Variants in TMEFF2 observed in about 807,000 individuals in gnomAD.
TMEFF2 encodes the protein tomoregulin-2.
Under a neutral mutation model 53.8 loss-of-function variants are expected in TMEFF2, and 28 were observed. That is an observed-to-expected ratio of 0.52 (90% CI 0.39 to 0.71). The LOEUF is 0.71. Ranked by LOEUF, TMEFF2 falls within the 30% of genes least tolerant of loss-of-function variation. TMEFF2 has a pLI of 0.00. For missense variants in TMEFF2, 353 were observed against 455.2 expected, an observed-to-expected ratio of 0.78 and a Z score of 2.04; for synonymous variants, 162 against 166.3, an observed-to-expected ratio of 0.97 and a Z score of 0.20.
chr2:192,159,331 T>C (rs1039485187), intron 4 of TMEFF2, among the ~76,000 whole-genome samples: 2 of 152,110 alleles, frequency 1.3e-5, no homozygotes, highest in African/African-American at 4.8e-5. Flanking sequence ...GACAAATAGA[T>C]TGTCTCCTGT....
intron 5 of TMEFF2, among the ~76,000 whole-genome samples, chr2:192,002,197 G>A (rs1211726508): frequency 6.6e-6 from 1 of 151,966 alleles, no homozygotes; most frequent in Non-Finnish European, 1.5e-5. Context: ...GCCTTTCATG[G>A]AATGGCTAAG....
intron 5 of TMEFF2, among the ~76,000 whole-genome samples, chr2:192,016,489 G>C (rs1437800661): frequency 6.6e-6 from 1 of 152,184 alleles, no homozygotes; most frequent in African/African-American, 2.4e-5. Context: ...TGAGCTGTGA[G>C]ACACTAATAC....
At chr2:192,091,223 T>C (rs779836804) in intron 4 of TMEFF2, among the ~76,000 whole-genome samples, 4 of 152,172 alleles carry the variant, frequency 2.6e-5, no homozygotes, top group Non-Finnish European at 5.9e-5. Context: ...CTTTGATGGT[T>C]GTTTAATGGC....
chr2:191,951,460 GAAGAGATAGAA>G (rs1574236963), intron 9 of TMEFF2, among the ~76,000 whole-genome samples: 1 of 141,816 alleles, frequency 7.1e-6, no homozygotes, highest in East Asian at 1.9e-4. Context: ...GAAAGAAGGA[GAAGAGATAGAA>G]GAGAGATGTA....
At chr2:192,116,438 T>C (rs980276988) in intron 4 of TMEFF2, among the ~76,000 whole-genome samples, 2 of 151,908 alleles carry the variant, frequency 1.3e-5, no homozygotes, top group African/African-American at 2.4e-5. Flanking sequence ...TAATAATGTA[T>C]TGTATACGTG....
intron 7 of TMEFF2, among the ~76,000 whole-genome samples, chr2:191,970,570 C>T (rs572573178): frequency 6.6e-6 from 1 of 152,234 alleles, no homozygotes; most frequent in South Asian, 2.1e-4. Flanking sequence ...CCTTTTGAAA[C>T]TTGAGAGAAA....
rs573007901 is a variant in TMEFF2, at chr2:191,968,474, T to C, written c.746-12096A>G. ...GTTGAGAAATATCTCTTTGGTTTCA[T>C]GGGGCAGGACAAATGGCCACCTGTG... On this transcript the variant is annotated intron_variant, in intron 7 of 9. Coordinates refer to ENST00000272771, the MANE Select transcript of TMEFF2 (RefSeq NM_016192.4). 1.5e-3 allele frequency among the ~76,000 whole-genome samples: 222 copies of C among 152,316 alleles called. 1 individual carries two copies. The highest frequency in any genetic ancestry group is 4.9e-3 in the African/African-American group (205 of 41,572).
intron 5 of TMEFF2, among the ~76,000 whole-genome samples, chr2:192,020,099 A>G (rs1367052406): frequency 6.6e-6 from 1 of 152,092 alleles, no homozygotes; most frequent in Non-Finnish European, 1.5e-5. Flanking sequence ...AAAACAAGCT[A>G]AAAAAGAAAT....
At chr2:191,982,367 A>G (rs1306439334) in intron 7 of TMEFF2, among the ~76,000 whole-genome samples, 1 of 152,162 alleles carries the variant, frequency 6.6e-6, no homozygotes, top group African/African-American at 2.4e-5. Flanking sequence ...CCTCCTGAGG[A>G]TTAGTGTATA....
In TMEFF2 at chr2:192,194,168, C is replaced by T. The variant is rs1422294338; in HGVS notation, c.172+185G>A. 2.0e-5 allele frequency among the ~76,000 whole-genome samples: 3 copies of T among 152,150 alleles called. No individual in the cohort carries two copies. Among genetic ancestry groups the T allele is most frequent in the Non-Finnish European group, 4.4e-5 (3 of 68,018 alleles). The stretch of plus-strand genomic sequence containing the variant: ...CCTGCACTTTCTGCCCATCCCAGAA[C>T]CACCCCTCACCCCCGGGCCTGCAAC... On this transcript the variant is annotated intron_variant, in intron 1 of 9. Coordinates refer to ENST00000272771, the MANE Select transcript of TMEFF2 (RefSeq NM_016192.4). This position sits in a 1 kb window ranked among gnomAD's most constrained non-coding sequence, Gnocchi z 4.2.
intron 4 of TMEFF2, among the ~76,000 whole-genome samples, chr2:192,133,388 C>T (rs942734368): frequency 1.2e-4 from 19 of 152,232 alleles, no homozygotes; most frequent in African/African-American, 4.1e-4. Context: ...TCACCCTTAC[C>T]CCACTCAATG....
intron 4 of TMEFF2, among the ~76,000 whole-genome samples, chr2:192,108,987 T>C (rs1559129899): frequency 6.6e-6 from 1 of 151,960 alleles, no homozygotes; most frequent in Non-Finnish European, 1.5e-5. Flanking sequence ...CTAGAATAGG[T>C]AAATTCATAG....
Position 192,012,673 on chromosome 2 carries a change from G to A in TMEFF2, c.537-13465C>T, listed in dbSNP as rs143141185. Among the ~76,000 whole-genome samples, 870 of 152,120 alleles carry A rather than the reference G, an allele frequency of 5.7e-3. 7 individuals carry two copies. Among genetic ancestry groups the A allele is most frequent in the African/African-American group, 0.02 (846 of 41,494 alleles). On this transcript the variant is annotated intron_variant, in intron 5 of 9. Transcript: ENST00000272771. ...TAATCGGCAAAAGTACTTTTAAAAT[G>A]TAAAGTTCTAATCAAAAGTAACAGA...
At chr2:192,087,859 T>C (rs1688701424) in intron 4 of TMEFF2, among the ~76,000 whole-genome samples, 1 of 152,150 alleles carries the variant, frequency 6.6e-6, no homozygotes, top group Non-Finnish European at 1.5e-5. Context: ...ATTTTGGCTA[T>C]ACGACATTTG....
chr2:191,999,649 G>A (rs929991805), intron 5 of TMEFF2, among the ~76,000 whole-genome samples: 24 of 151,932 alleles, frequency 1.6e-4, no homozygotes, highest in African/African-American at 5.1e-4. Context: ...TTCAGAGAAA[G>A]CAAACAAGTA....
chr2:192,070,061 GA>G (rs1688260964), intron 4 of TMEFF2, among the ~76,000 whole-genome samples: 1 of 123,312 alleles, frequency 8.1e-6, no homozygotes, highest in Admixed American at 8.9e-5. Flanking sequence ...CGTTTGGGGG[GA>G]AAATTGCTAT....
intron 4 of TMEFF2, among the ~76,000 whole-genome samples, chr2:192,103,638 A>G (rs1689083364): frequency 6.6e-6 from 1 of 151,876 alleles, no homozygotes; most frequent in Non-Finnish European, 1.5e-5. Context: ...CTTGTTTTCA[A>G]CTCTTCAGGT....
intron 7 of TMEFF2, among the ~76,000 whole-genome samples, chr2:191,964,222 G>GTCTT (rs1333264682): frequency 1.1e-5 from 1 of 94,326 alleles, no homozygotes; most frequent in African/African-American, 4.5e-5. Context: ...CTTTCTGTCT[G>GTCTT]TCTTTCTTTC....
At chr2:192,005,402 G>A (rs1686475796) in intron 5 of TMEFF2, among the ~76,000 whole-genome samples, 1 of 152,198 alleles carries the variant, frequency 6.6e-6, no homozygotes, top group African/African-American at 2.4e-5. Context: ...GCCAGAGTGT[G>A]AGAATGCAGA....
Sources: allele counts gnomAD v4.1 joint callset (sites outside exome capture counted in the v4.1 genomes callset), GRCh38; gene constraint gnomAD v4.1.1; non-coding constraint Gnocchi (gnomAD v3.1); transcripts MANE v1.5; gene names NCBI Gene and HGNC (gene_info 2026-07-23, HGNC 2026-07-21).